The following CNGB3 variants were observed in gnomAD, a reference collection of about 807,000 sequenced individuals.
The protein encoded by CNGB3 is cyclic nucleotide-gated channel beta-3.
CNGB3 carries 86 observed loss-of-function variants against 92.8 expected under a neutral mutation model. The observed-to-expected ratio is 0.93, with a 90% CI of 0.78 to 1.11. The LOEUF (loss-of-function observed/expected upper bound fraction) is 1.11, where lower values mean the gene tolerates loss of function less well. Among genes scored for constraint, CNGB3 ranks in the 50% least tolerant of loss-of-function variants. CNGB3 has a pLI of 0.00. For missense variants in CNGB3, 1,026 were observed against 956.8 expected, an observed-to-expected ratio of 1.07 and a Z score of -0.95; for synonymous variants, 333 against 332.7, an observed-to-expected ratio of 1.00 and a Z score of -0.01.
intron 3 of CNGB3, among the ~76,000 whole-genome samples, chr8:86,675,580 A>C (rs1303307943): frequency 6.6e-6 from 1 of 151,644 alleles, no homozygotes; most frequent in Non-Finnish European, 1.5e-5. Flanking sequence ...TGCCTTGCTA[A>C]TTTATTTATT....
intron 15 of CNGB3, among the ~76,000 whole-genome samples, chr8:86,580,346 G>C (rs1266055793): frequency 6.6e-6 from 1 of 152,160 alleles, no homozygotes; most frequent in Non-Finnish European, 1.5e-5. Context: ...CCTCACTTCT[G>C]TCAGTAATCT....
chr8:86,657,694 A>T, intron 6 of CNGB3: 1 of 451,700 alleles, frequency 2.2e-6, no homozygotes, highest in Non-Finnish European at 4.4e-6. Context: ...TTGCCATGCC[A>T]CTTGTTGTGG....
chr8:86,656,631 C>T (rs1205934085), intron 6 of CNGB3, among the ~76,000 whole-genome samples: 1 of 152,116 alleles, frequency 6.6e-6, no homozygotes, highest in East Asian at 1.9e-4. Flanking sequence ...ATGCTAATTG[C>T]ACCTAAATCC....
rs377168236 is a variant in CNGB3 at position 86,650,301 on chromosome 8, C to T, written c.904-2414G>A. 7.3e-5 allele frequency among the ~76,000 whole-genome samples: 11 copies of T among 151,612 alleles called. No homozygotes were observed. In the East Asian group the frequency reaches 1.4e-3, roughly 19 times the overall value. On this transcript the variant is annotated intron_variant, in intron 7 of 17. Transcript: ENST00000320005. ...CTCTCAACTCCTCTATGATTACAGT[C>T]ATTAGTCATTAGCCATTTTAATATT... is the stretch of plus-strand genomic sequence containing the variant.
chr8:86,626,139 A>G (rs1184983916), intron 12 of CNGB3, 59 bp from the exon 13 acceptor site: 4 of 1,356,224 alleles, frequency 2.9e-6, no homozygotes, highest in Non-Finnish European at 4.2e-6. Flanking sequence ...ATAAGTCACC[A>G]AGGTACAAGT....
chr8:86,671,070 C>A lies in CNGB3; in HGVS notation c.367G>T (p.Val123Phe). The change falls in exon 4 of 18, where the codon GTT (valine) becomes TTT (phenylalanine). Residue 123 changes from valine (V) to phenylalanine (F), a missense_variant. Physicochemically the swap from Val to Phe is conservative, Grantham distance 50 (BLOSUM62 -1). Transcript: ENST00000320005. ...SPQNKPPAAP[V>F]INEYADAQLH... ...TGGGCATCGGCATACTCATTTATAA[C>A]AGGAGCTGCAGGCGGTTTGTTTTGT... 4 of 1,613,858 alleles carry A rather than the reference C, an allele frequency of 2.5e-6. No homozygotes were observed. Among genetic ancestry groups the A allele is most frequent in the Non-Finnish European group, 3.4e-6 (4 of 1,179,990 alleles).
intron 13 of CNGB3, among the ~76,000 whole-genome samples, chr8:86,616,110 CA>C (rs1391350826): frequency 6.6e-6 from 1 of 152,158 alleles, no homozygotes; most frequent in African/African-American, 2.4e-5. Context: ...CAGGAATACA[CA>C]CAAGCACTTA....
intron 3 of CNGB3, among the ~76,000 whole-genome samples, chr8:86,685,764 T>C (rs959647909): frequency 9.2e-5 from 14 of 152,112 alleles, no homozygotes; most frequent in Admixed American, 3.3e-4. Flanking sequence ...TCAATGTTTA[T>C]TGAGCTTTAA....
At chr8:86,621,905 A>G (rs544549433) in intron 13 of CNGB3, among the ~76,000 whole-genome samples, 108 of 152,182 alleles carry the variant, frequency 7.1e-4, no homozygotes, top group Non-Finnish European at 1.3e-3. Context: ...TCTGCTAAAA[A>G]TACAAAAATT....
At chr8:86,595,150 T>G (rs1822141660) in intron 15 of CNGB3, among the ~76,000 whole-genome samples, 1 of 151,984 alleles carries the variant, frequency 6.6e-6, no homozygotes, top group African/African-American at 2.4e-5. Context: ...AATACCTGAC[T>G]TCAAGTCAAG....
In CNGB3 at chr8:86,578,670, A is replaced by G. The variant is rs2131531953; in HGVS notation, c.2103+19T>C. 2 of 1,613,170 alleles carry G rather than the reference A, an allele frequency of 1.2e-6. No homozygotes were observed. Among genetic ancestry groups the G allele is most frequent in the Admixed American group, 1.7e-5 (1 of 60,004 alleles). On this transcript the variant is annotated intron_variant, in intron 17 of 17. Coordinates refer to ENST00000320005, the MANE Select transcript of CNGB3 (RefSeq NM_019098.5). ...GGGGCCTTCTCCATGACAGCCGTCC[A>G]TTCACTCCACCTTATTACCTGAGCT... is the stretch of plus-strand genomic sequence containing the variant.
rs537799379 is a variant in CNGB3, at chr8:86,734,362, C to T, written c.211+5293G>A. On this transcript the variant is annotated intron_variant, in intron 2 of 17. Coordinates refer to ENST00000320005, the MANE Select transcript of CNGB3 (RefSeq NM_019098.5). ...GTCTTGGCTGTGGAAAGCTATTTGG[C>T]AAGCAGTTCCAGGGAGGCCACCCTA... Among the ~76,000 whole-genome samples, 3 of 152,188 alleles carry T rather than the reference C, an allele frequency of 2.0e-5. No individual in the cohort carries two copies. In the East Asian group the frequency reaches 5.8e-4, roughly 29 times the overall value.
At chr8:86,629,508 C>T (rs1205471996) in intron 11 of CNGB3, among the ~76,000 whole-genome samples, 1 of 152,176 alleles carries the variant, frequency 6.6e-6, no homozygotes, top group East Asian at 1.9e-4. Context: ...AAAAGTTGAG[C>T]AATTGTCTGG....
At chr8:86,735,444 C>A (rs996990882) in intron 2 of CNGB3, among the ~76,000 whole-genome samples, 3 of 152,084 alleles carry the variant, frequency 2.0e-5, no homozygotes, top group African/African-American at 7.2e-5. Context: ...AATCTATCAC[C>A]ATAAACTTAA....
At chr8:86,727,194 C>T (rs777663246) in intron 2 of CNGB3, among the ~76,000 whole-genome samples, 3 of 152,102 alleles carry the variant, frequency 2.0e-5, no homozygotes, top group Non-Finnish European at 4.4e-5. Context: ...TTATGCAGCA[C>T]ATGATTGTAA....
chr8:86,628,379 C>G (rs1242373707), intron 12 of CNGB3, among the ~76,000 whole-genome samples: 3 of 152,100 alleles, frequency 2.0e-5, no homozygotes, highest in African/African-American at 4.8e-5. Context: ...CCATGCCCAG[C>G]CTCAAAAGTT....
At chr8:86,591,050 T>C (rs1822021773) in intron 15 of CNGB3, among the ~76,000 whole-genome samples, 2 of 152,304 alleles carry the variant, frequency 1.3e-5, no homozygotes, top group South Asian at 4.1e-4. Flanking sequence ...TTTTTATTCT[T>C]TTTTCTCTAA....
chr8:86,725,280 A>G (rs1825041223), intron 3 of CNGB3, among the ~76,000 whole-genome samples: 1 of 152,174 alleles, frequency 6.6e-6, no homozygotes, highest in South Asian at 2.1e-4. Context: ...GTCTAATATT[A>G]GGAGAGCTGA....
chr8:86,706,266 C>G lies in CNGB3; in HGVS notation c.338+20265G>C, dbSNP rs189343247. 5.9e-3 allele frequency among the ~76,000 whole-genome samples: 901 copies of G among 152,162 alleles called. 34 individuals are homozygous for G. The highest frequency in any genetic ancestry group is 0.052 in the Admixed American group (790 of 15,292). On this transcript the variant is annotated intron_variant, in intron 3 of 17. Transcript: ENST00000320005. Reference sequence around the variant, plus strand: ...AGGAGGCAAACTAGGCAAACAGCCCCTCTCTTCCCCTTAGATTAATGTCTG... The same window carrying G: ...AGGAGGCAAACTAGGCAAACAGCCCGTCTCTTCCCCTTAGATTAATGTCTG...
Sources: gnomAD v4.1 joint callset for allele counts (sites outside exome capture counted in the v4.1 genomes callset) on GRCh38, gnomAD v4.1.1 for gene constraint, MANE v1.5 for transcripts, NCBI Gene and HGNC (gene_info 2026-07-23, HGNC 2026-07-21) for gene names.